The following MATCAP2 variants were observed in gnomAD, a reference collection of about 807,000 sequenced individuals.
MATCAP2 encodes the protein microtubule associated tyrosine carboxypeptidase 2.
At chr7:36,357,797 A>G in the MATCAP2 span, among the ~76,000 whole-genome samples, 7 of 152,238 alleles carry the variant, frequency 4.6e-5, no homozygotes, top group Non-Finnish European at 1.0e-4. Context: ...ATGAGTATAT[A>G]TAAGTTAAAT....
At chr7:36,343,552 GGGAAGGGAA>G in the MATCAP2 span, among the ~76,000 whole-genome samples, 1 of 37,142 alleles carries the variant, frequency 2.7e-5, no homozygotes, top group African/African-American at 1.2e-4. Flanking sequence ...GAGGAGGGGA[GGGAAGGGAA>G]GGGAGAGGGA....
the MATCAP2 span, chr7:36,366,683 G>A: frequency 6.5e-7 from 1 of 1,533,734 alleles, no homozygotes; most frequent in Non-Finnish European, 8.7e-7. Context: ...TTTTCCACGA[G>A]ATTCCACAGC....
At chr7:36,383,304 C>T in the MATCAP2 span, among the ~76,000 whole-genome samples, 1 of 152,064 alleles carries the variant, frequency 6.6e-6, no homozygotes, top group Non-Finnish European at 1.5e-5. Flanking sequence ...CCAGCAATAC[C>T]ATTACTGGGT....
At chr7:36,369,171 A>T in the MATCAP2 span, among the ~76,000 whole-genome samples, 2 of 152,320 alleles carry the variant, frequency 1.3e-5, no homozygotes, top group South Asian at 4.1e-4. Flanking sequence ...CTTAATAAAT[A>T]TTTGTGAATT....
the MATCAP2 span, among the ~76,000 whole-genome samples, chr7:36,382,704 A>G: frequency 1.3e-5 from 2 of 152,186 alleles, no homozygotes; most frequent in African/African-American, 4.8e-5. Flanking sequence ...CGTGTTAGCC[A>G]GGATGGTCTC....
At chr7:36,388,013 A>T in the MATCAP2 span, among the ~76,000 whole-genome samples, 1 of 152,140 alleles carries the variant, frequency 6.6e-6, no homozygotes, top group Admixed American at 6.5e-5. Context: ...CATATACTAC[A>T]CACTCGGACA....
chr7:36,357,541 A>C, the MATCAP2 span: 21 of 1,614,076 alleles, frequency 1.3e-5, no homozygotes, highest in Middle Eastern at 2.5e-3. Flanking sequence ...AATCTTCTGC[A>C]TTTAGAATAG....
the MATCAP2 span, among the ~76,000 whole-genome samples, chr7:36,376,246 C>A: frequency 6.6e-6 from 1 of 152,218 alleles, no homozygotes; most frequent in Non-Finnish European, 1.5e-5. Context: ...AAATTTCCCT[C>A]TACACACTGC....
chr7:36,379,841 C>CAGAGAGAG, the MATCAP2 span, among the ~76,000 whole-genome samples: 1,262 of 127,214 alleles, frequency 9.9e-3, 18 homozygotes, highest in Middle Eastern at 0.037. Context: ...CACACACACA[C>CAGAGAGAG]ACACACAGAG....
chr7:36,383,613 T>G, the MATCAP2 span, among the ~76,000 whole-genome samples: 1 of 152,056 alleles, frequency 6.6e-6, no homozygotes, highest in Admixed American at 6.5e-5. Flanking sequence ...AGTTGAACAA[T>G]GAGAATGCAT....
At chr7:36,373,229 G>A in the MATCAP2 span, among the ~76,000 whole-genome samples, 5 of 152,056 alleles carry the variant, frequency 3.3e-5, no homozygotes. Context: ...AACTTATACT[G>A]GGAGAAAAAA....
At chr7:36,366,983 G>A in the MATCAP2 span, 1 of 1,331,552 alleles carries the variant, frequency 7.5e-7, no homozygotes, top group Non-Finnish European at 9.5e-7. Flanking sequence ...CGGGCTCAGG[G>A]GAAAGGGCCG....
chr7:36,327,651 G>A, the MATCAP2 span, among the ~76,000 whole-genome samples: 7 of 152,198 alleles, frequency 4.6e-5, no homozygotes, highest in Non-Finnish European at 8.8e-5. Flanking sequence ...ATTATACAGG[G>A]TGAGCATCCC....
chr7:36,354,122 A>G, the MATCAP2 span, among the ~76,000 whole-genome samples: 1 of 152,230 alleles, frequency 6.6e-6, no homozygotes, highest in African/African-American at 2.4e-5. Context: ...TCTAAGAGTC[A>G]GGAAGCTGAG....
chr7:36,354,071 C>T, the MATCAP2 span, among the ~76,000 whole-genome samples: 3 of 152,188 alleles, frequency 2.0e-5, no homozygotes, highest in Non-Finnish European at 4.4e-5. Flanking sequence ...TCCAAAGCCA[C>T]AGAAAACAGA....
the MATCAP2 span, among the ~76,000 whole-genome samples, chr7:36,334,792 G>A: frequency 1.3e-5 from 2 of 152,112 alleles, no homozygotes; most frequent in African/African-American, 2.4e-5. Context: ...TCAGTTTAAT[G>A]TAGGGGAAAT....
the MATCAP2 span, among the ~76,000 whole-genome samples, chr7:36,370,379 A>C: frequency 6.6e-6 from 1 of 152,258 alleles, no homozygotes; most frequent in Non-Finnish European, 1.5e-5. Flanking sequence ...TATTGAGACA[A>C]GATGATCGAC....
the MATCAP2 span, chr7:36,334,001 G>C: frequency 2.6e-5 from 42 of 1,614,072 alleles, no homozygotes; most frequent in Non-Finnish European, 3.6e-5. Context: ...AGTAGAGGAG[G>C]GCAGCCCTCC....
At chr7:36,348,244 G>A in the MATCAP2 span, among the ~76,000 whole-genome samples, 2 of 152,096 alleles carry the variant, frequency 1.3e-5, no homozygotes, top group Admixed American at 6.6e-5. Flanking sequence ...ATTGCTTCCT[G>A]GTAGCAAATT....
Sources: allele counts gnomAD v4.1 joint callset (sites outside exome capture counted in the v4.1 genomes callset), GRCh38; gene constraint gnomAD v4.1.1; transcripts MANE v1.5; gene names NCBI Gene and HGNC (gene_info 2026-07-23, HGNC 2026-07-21).